RCAN2: variants seen among roughly 807,000 people sequenced by gnomAD.
The protein encoded by RCAN2 is regulator of calcineurin 2.
A neutral mutation model predicts 23.6 loss-of-function variants in RCAN2; 9 were observed. The observed-to-expected ratio is 0.38, with a 90% CI of 0.23 to 0.67. The LOEUF is 0.67. Ranked by LOEUF, RCAN2 falls within the 30% of genes least tolerant of loss-of-function variation. The pLI is 0.51. For synonymous variants in RCAN2, 109 were observed against 115.7 expected (o/e 0.94, Z 0.37); for missense variants, 273 against 302.3 (o/e 0.90, Z 0.72).
At chr6:46,251,903 C>T (rs1468939798) in intron 2 of RCAN2, among the ~76,000 whole-genome samples, 4 of 152,132 alleles carry the variant, frequency 2.6e-5, no homozygotes, top group African/African-American at 7.2e-5. Flanking sequence ...ACAAAAGGAG[C>T]TCTTGCACCA....
chr6:46,317,171 A>C (rs925267547), intron 2 of RCAN2, among the ~76,000 whole-genome samples: 3 of 152,186 alleles, frequency 2.0e-5, no homozygotes, highest in Non-Finnish European at 4.4e-5. Flanking sequence ...AAACCCTTGC[A>C]TTTTCCAGAA....
intron 4 of RCAN2, among the ~76,000 whole-genome samples, chr6:46,241,232 C>T (rs1396332744): frequency 6.6e-6 from 1 of 152,162 alleles, no homozygotes; most frequent in Non-Finnish European, 1.5e-5. Context: ...TTTTGTTTTA[C>T]ATCAGAAAAG....
At chr6:46,395,539 T>C (rs1766062228) in intron 2 of RCAN2, among the ~76,000 whole-genome samples, 1 of 152,194 alleles carries the variant, frequency 6.6e-6, no homozygotes, top group African/African-American at 2.4e-5. Context: ...CAAATCAAAA[T>C]CTCAAGGCTA....
intron 2 of RCAN2, among the ~76,000 whole-genome samples, chr6:46,292,423 G>GTTTTTTTTTTTTTTTTTTTTTTTTTTTTT (rs869232910): frequency 2.8e-5 from 3 of 107,568 alleles, no homozygotes; most frequent in African/African-American, 1.2e-4. Flanking sequence ...GAGTTGATTT[G>GTTTTTTTTTTTTTTTTTTTTTTTTTTTTT]TTGTTTTTTT....
intron 4 of RCAN2, among the ~76,000 whole-genome samples, chr6:46,226,715 A>G (rs183277400): frequency 6.6e-6 from 1 of 152,214 alleles, no homozygotes; most frequent in Non-Finnish European, 1.5e-5. Flanking sequence ...TAAATATACA[A>G]TCATGTCATC....
chr6:46,309,763 C>T (rs1425959223), intron 2 of RCAN2, among the ~76,000 whole-genome samples: 1 of 152,184 alleles, frequency 6.6e-6, no homozygotes, highest in East Asian at 1.9e-4. Context: ...GATACCAGCT[C>T]TACCAATTTT....
chr6:46,307,552 A>G (rs1561851848), intron 2 of RCAN2, among the ~76,000 whole-genome samples: 1 of 152,110 alleles, frequency 6.6e-6, no homozygotes, highest in South Asian at 2.1e-4. Flanking sequence ...TCATTTATTC[A>G]TTTATTTATT....
At chr6:46,365,523 G>A (rs572976217) in intron 2 of RCAN2, among the ~76,000 whole-genome samples, 4 of 150,774 alleles carry the variant, frequency 2.7e-5, no homozygotes, top group Admixed American at 1.3e-4. Context: ...AAGAAAAAAA[G>A]AAAAAAAAGA....
intron 2 of RCAN2, among the ~76,000 whole-genome samples, chr6:46,397,159 T>C (rs940999095): frequency 2.0e-5 from 3 of 152,162 alleles, no homozygotes; most frequent in African/African-American, 7.2e-5. Context: ...AGTTACTGTG[T>C]TTCACAATAT....
At chr6:46,478,193 A>C (rs374030637) in intron 1 of RCAN2, among the ~76,000 whole-genome samples, 1 of 152,208 alleles carries the variant, frequency 6.6e-6, no homozygotes, top group East Asian at 1.9e-4. Flanking sequence ...ACTGAGGTCA[A>C]AATGTTACTA....
chr6:46,244,109 A>G (rs1032776362), intron 4 of RCAN2, among the ~76,000 whole-genome samples: 8 of 152,140 alleles, frequency 5.3e-5, no homozygotes, highest in African/African-American at 1.9e-4. Flanking sequence ...CTCTGTGTTT[A>G]TTACAAAGCA....
intron 2 of RCAN2, among the ~76,000 whole-genome samples, chr6:46,289,049 C>T (rs1483592950): frequency 6.6e-6 from 1 of 152,188 alleles, no homozygotes; most frequent in Non-Finnish European, 1.5e-5. Context: ...GCTACATATG[C>T]GGGAAGCTGG....
chr6:46,384,738 A>G (rs757776914), intron 2 of RCAN2, among the ~76,000 whole-genome samples: 2 of 152,238 alleles, frequency 1.3e-5, no homozygotes, highest in Non-Finnish European at 2.9e-5. Flanking sequence ...CTAAGGTGAC[A>G]TAAGTCAAAA....
intron 1 of RCAN2, among the ~76,000 whole-genome samples, 166 bp downstream of exon 1, chr6:46,491,007 A>ACCCCCGCCCCCGCCCCCGCCCCCG (rs1414121825): frequency 2.5e-5 from 2 of 78,562 alleles, no homozygotes; most frequent in Non-Finnish European, 6.0e-5. Context: ...CACTGCCCCC[A>ACCCCCGCCCCCGCCCCCGCCCCCG]CCCCCGCCAC....
Position 46,446,444 on chromosome 6 carries a change from C to T in RCAN2, c.225+10308G>A, listed in dbSNP as rs142829765. 9.2e-3 allele frequency among the ~76,000 whole-genome samples: 1,400 copies of T among 152,118 alleles called. 22 individuals carry two copies. Among genetic ancestry groups the T allele is most frequent in the African/African-American group, 0.032 (1,330 of 41,492 alleles). ...CACCAGACCTATTTTACAAGAAATG[C>T]TAATGGGATTTCTTCAATCTAAATG... On this transcript the variant is annotated intron_variant, in intron 2 of 4. Coordinates refer to ENST00000371374, the MANE Select transcript of RCAN2 (RefSeq NM_001251974.2).
At chr6:46,300,360 A>G (rs1449220557) in intron 2 of RCAN2, among the ~76,000 whole-genome samples, 1 of 151,964 alleles carries the variant, frequency 6.6e-6, no homozygotes, top group Non-Finnish European at 1.5e-5. Flanking sequence ...AAAGTCAAAG[A>G]ATGGGAAAAG....
intron 2 of RCAN2, among the ~76,000 whole-genome samples, chr6:46,272,844 A>G (rs1767564212): frequency 6.6e-6 from 1 of 152,046 alleles, no homozygotes; most frequent in Non-Finnish European, 1.5e-5. Context: ...AAAAGTATAG[A>G]CTCTTTCCTT....
intron 2 of RCAN2, among the ~76,000 whole-genome samples, chr6:46,280,754 TCTC>T (rs1395652380): frequency 6.6e-6 from 1 of 152,116 alleles, no homozygotes; most frequent in Non-Finnish European, 1.5e-5. Flanking sequence ...ATCCATTCCT[TCTC>T]CTCTTCAATA....
At chr6:46,470,180 G>A (rs1768519861) in intron 1 of RCAN2, among the ~76,000 whole-genome samples, 1 of 152,136 alleles carries the variant, frequency 6.6e-6, no homozygotes, top group Non-Finnish European at 1.5e-5. Context: ...TGATAGTCAA[G>A]ACAATGTTTT....
Sources: allele counts gnomAD v4.1 joint callset (sites outside exome capture counted in the v4.1 genomes callset), GRCh38; gene constraint gnomAD v4.1.1; transcripts MANE v1.5; gene names NCBI Gene and HGNC (gene_info 2026-07-23, HGNC 2026-07-21).